Variants in NDEL1 observed in about 807,000 individuals in gnomAD.
The protein encoded by NDEL1 is nudE neurodevelopment protein 1 like 1.
NDEL1 carries 9 observed loss-of-function variants against 45.7 expected under a neutral mutation model. That is an observed-to-expected ratio of 0.20 (90% CI 0.12 to 0.34). The LOEUF is 0.34. Among genes scored for constraint, NDEL1 ranks in the 10% least tolerant of loss-of-function variants. The pLI, the probability that NDEL1 is intolerant of heterozygous loss-of-function variation, is 1.00. For synonymous variants in NDEL1, 133 were observed against 158.6 expected, an observed-to-expected ratio of 0.84 and a Z score of 1.21; for missense variants, 306 against 406.2, an observed-to-expected ratio of 0.75 and a Z score of 2.12.
intron 8 of NDEL1, chr17:8,463,175 G>T: frequency 1.7e-6 from 1 of 574,358 alleles, no homozygotes; most frequent in South Asian, 2.4e-5. Context: ...ACTTTATGTA[G>T]TTTCTTAGGT....
intron 3 of NDEL1, among the ~76,000 whole-genome samples, chr17:8,473,285 C>T (rs1911946132): frequency 6.6e-6 from 1 of 151,900 alleles, no homozygotes; most frequent in Admixed American, 6.6e-5. Context: ...CTCCCAGGTT[C>T]AAGTGATTTT....
chr17:8,460,134 A>G lies in NDEL1; in HGVS notation c.918A>G (p.Ser306=), dbSNP rs1280037251. 1 of 1,613,922 alleles carries G rather than the reference A, an allele frequency of 6.2e-7. No homozygotes were observed. Among genetic ancestry groups the G allele is most frequent in the South Asian group, 1.1e-5 (1 of 90,992 alleles). ...GCAATGGCACAAAGTTCTCTCGATCAGGGCATACATCTTTCTTCGACAAAG... is the reference window on the plus strand; with the variant it reads ...GCAATGGCACAAAGTTCTCTCGATCGGGGCATACATCTTTCTTCGACAAAG... ...LNGNGTKFSR[S]GHTSFFDKGA... The change falls in exon 8 of 9, where the codon TCA becomes TCG. Residue 306 remains serine, a synonymous_variant. Transcript: ENST00000334527.
chr17:8,425,788 TTTTTTTTCTTTTTTC>T (rs1390951382), intron 1 of NDEL1, among the ~76,000 whole-genome samples: 1 of 151,942 alleles, frequency 6.6e-6, no homozygotes, highest in East Asian at 1.9e-4. Context: ...TTTGTCTTTT[TTTTTTTTCTTTTTTC>T]TTTTTTGAGT....
intron 1 of NDEL1, among the ~76,000 whole-genome samples, chr17:8,443,235 A>T (rs1909874753): frequency 6.6e-6 from 1 of 152,240 alleles, no homozygotes. Context: ...AACAGGCAAC[A>T]CAAAGGTGTA....
At chr17:8,445,574 A>C in intron 2 of NDEL1, 137 bp from the exon 3 acceptor site, 1 of 892,824 alleles carries the variant, frequency 1.1e-6, no homozygotes. Flanking sequence ...TAAGAGATGC[A>C]AAACAGATTG....
chr17:8,473,823 C>G (rs1912023731), intron 3 of NDEL1, among the ~76,000 whole-genome samples: 1 of 152,236 alleles, frequency 6.6e-6, no homozygotes, highest in African/African-American at 2.4e-5. Context: ...TTGGCCTCAT[C>G]ACTGAATCCT....
At chr17:8,446,406 G>A (rs1330453325) in intron 3 of NDEL1, among the ~76,000 whole-genome samples, 1 of 152,164 alleles carries the variant, frequency 6.6e-6, no homozygotes, top group Non-Finnish European at 1.5e-5. Context: ...TGGATGGGCA[G>A]GTGAAAGGTA....
intron 1 of NDEL1, among the ~76,000 whole-genome samples, chr17:8,442,279 A>G (rs1909788376): frequency 6.6e-6 from 1 of 152,214 alleles, no homozygotes; most frequent in Non-Finnish European, 1.5e-5. Flanking sequence ...ATATGGTGGT[A>G]CATTGTAAGG....
chr17:8,442,074 C>T (rs1038324569), intron 1 of NDEL1, among the ~76,000 whole-genome samples: 1 of 152,028 alleles, frequency 6.6e-6, no homozygotes, highest in Non-Finnish European at 1.5e-5. Context: ...ATTTCAGGGC[C>T]GGATAATGAT....
At position 8,414,393 on chromosome 17, in the gene NDEL1, C is replaced by T. The variant is rs146488343; in HGVS notation, c.-13+1124C>T. Among the ~76,000 whole-genome samples, 1,222 of 152,282 alleles carry T rather than the reference C, an allele frequency of 8.0e-3. 13 individuals carry two copies. Among genetic ancestry groups the T allele is most frequent in the African/African-American group, 0.028 (1,162 of 41,554 alleles). On this transcript the variant is annotated intron_variant, in intron 1 of 4. Transcript: ENST00000582812. ...TAAGAAATGTCGTACCATGGCCGGG[C>T]GCGGTGGCTCACGCCTGTAATCCCA...
intron 1 of NDEL1, among the ~76,000 whole-genome samples, chr17:8,427,064 A>AAAGGG (rs1423398766): frequency 1.3e-5 from 2 of 152,228 alleles, no homozygotes; most frequent in African/African-American, 4.8e-5. Flanking sequence ...AAAGGGAAGG[A>AAAGGG]AAGGGAAGGG....
At chr17:8,439,447 T>G in intron 1 of NDEL1, among the ~76,000 whole-genome samples, 1 of 150,360 alleles carries the variant, frequency 6.7e-6, no homozygotes, top group Non-Finnish European at 1.5e-5. Context: ...ATAGACGAGG[T>G]TTCACCATGT....
chr17:8,440,581 T>G (rs1014996508), intron 1 of NDEL1, among the ~76,000 whole-genome samples: 1 of 151,828 alleles, frequency 6.6e-6, no homozygotes, highest in African/African-American at 2.4e-5. Context: ...TGACACTGAA[T>G]GTAAGTAGTT....
chr17:8,467,348 C>T lies in NDEL1; in HGVS notation c.*325C>T. 1 of 538,336 alleles carries T rather than the reference C, an allele frequency of 1.9e-6. No homozygotes were observed. The highest frequency in any genetic ancestry group is 3.1e-5 in the East Asian group (1 of 31,988). 33.3% of individuals were successfully genotyped at this position (538,336 alleles called of 1,614,324 possible). ...CATTCATCACACCTGCCCCATAGCC[C>T]CCACTCTGCTGTACTGATAGGATTT... is the stretch of plus-strand genomic sequence containing the variant. On this transcript the variant is annotated 3_prime_UTR_variant, in exon 9 of 9. Coordinates refer to ENST00000334527, the MANE Select transcript of NDEL1 (RefSeq NM_030808.5). This position sits in a 1 kb window ranked among gnomAD's most constrained non-coding sequence, Gnocchi z 6.3.
intron 1 of NDEL1, among the ~76,000 whole-genome samples, chr17:8,413,976 A>G (rs760823886): frequency 6.6e-6 from 1 of 152,246 alleles, no homozygotes; most frequent in Non-Finnish European, 1.5e-5. Context: ...TTCTATCTCT[A>G]AAGATTAATA....
intron 1 of NDEL1, among the ~76,000 whole-genome samples, chr17:8,439,003 G>A (rs551357016): frequency 1.3e-5 from 2 of 149,188 alleles, no homozygotes; most frequent in Admixed American, 6.7e-5. Flanking sequence ...GTGCGGTCGC[G>A]CGCTCTCGGC....
chr17:8,419,410 AAAAAG>A (rs910383834), intron 1 of NDEL1, among the ~76,000 whole-genome samples: 1 of 152,238 alleles, frequency 6.6e-6, no homozygotes, highest in Admixed American at 6.5e-5. Context: ...ATATACTTAT[AAAAAG>A]AAAAGTGGAG....
chr17:8,426,599 C>T (rs1055689651), intron 1 of NDEL1, among the ~76,000 whole-genome samples: 7 of 152,062 alleles, frequency 4.6e-5, no homozygotes, highest in African/African-American at 1.7e-4. Flanking sequence ...GTGCCTGTCA[C>T]GTGGTCGGGA....
chr17:8,470,434 C>T (rs1911807301), downstream of NDEL1, among the ~76,000 whole-genome samples: 1 of 152,164 alleles, frequency 6.6e-6, no homozygotes, highest in South Asian at 2.1e-4. This position sits in a 1 kb window ranked among gnomAD's most constrained non-coding sequence, Gnocchi z 4.2. Context: ...TATTGTCTTA[C>T]AAGAGAGTAG....
Sources: allele counts gnomAD v4.1 joint callset (sites outside exome capture counted in the v4.1 genomes callset), GRCh38; gene constraint gnomAD v4.1.1; non-coding constraint Gnocchi (gnomAD v3.1); transcripts MANE v1.5; gene names NCBI Gene and HGNC (gene_info 2026-07-23, HGNC 2026-07-21).